The following INSL6 variants were observed in gnomAD, a reference collection of about 807,000 sequenced individuals.
INSL6 encodes the protein insulin like 6.
Under a neutral mutation model 9.4 loss-of-function variants are expected in INSL6, and 16 were observed. The observed-to-expected ratio is 1.70, with a 90% CI of 1.15 to 2.59. The LOEUF (loss-of-function observed/expected upper bound fraction) is 2.59. Among genes scored for constraint, INSL6 ranks in the 30% most tolerant of loss-of-function variants. The pLI is 0.00. For synonymous variants in INSL6, 154 were observed against 96.9 expected (o/e 1.59, Z -3.46); for missense variants, 391 against 257.3 (o/e 1.52, Z -3.56).
the INSL6 span, among the ~76,000 whole-genome samples, chr9:5,039,782 A>G: frequency 6.6e-6 from 1 of 152,172 alleles, no homozygotes; most frequent in East Asian, 1.9e-4. Flanking sequence ...TGTAAAATGT[A>G]TACACTGAGA....
At chr9:5,105,465 A>G in the INSL6 span, among the ~76,000 whole-genome samples, 738 of 152,340 alleles carry the variant, frequency 4.8e-3, 4 homozygotes, top group African/African-American at 0.016. Flanking sequence ...GGAAGAATCA[A>G]TATCGTGAAA....
the INSL6 span, chr9:5,054,559 C>A: frequency 6.5e-7 from 1 of 1,548,518 alleles, no homozygotes; most frequent in South Asian, 1.2e-5. The surrounding 1 kb of genome is among the most constrained non-coding windows in gnomAD (Gnocchi z 4.9). Context: ...TTTTTTATCC[C>A]TAGCTACAAG....
chr9:5,050,160 A>G, the INSL6 span, among the ~76,000 whole-genome samples: 1 of 152,228 alleles, frequency 6.6e-6, no homozygotes, highest in African/African-American at 2.4e-5. Flanking sequence ...AGATATATTT[A>G]ATGAAATAGG....
the INSL6 span, among the ~76,000 whole-genome samples, chr9:5,073,220 G>C: frequency 1.3e-5 from 2 of 152,196 alleles, no homozygotes; most frequent in African/African-American, 4.8e-5. Flanking sequence ...TCATACCCAG[G>C]GGTTCTAGTC....
the INSL6 span, among the ~76,000 whole-genome samples, chr9:5,063,993 T>TA: frequency 3.2e-4 from 48 of 151,990 alleles, no homozygotes; most frequent in Non-Finnish European, 5.3e-4. Flanking sequence ...CTGTCTCTAC[T>TA]AAAAATACAA....
At chr9:5,072,598 TGGA>T in the INSL6 span, 1 of 1,609,140 alleles carries the variant, frequency 6.2e-7, no homozygotes, top group East Asian at 2.2e-5. Context: ...TTAAAAGTTC[TGGA>T]TAAAGCACAC....
chr9:5,087,931 A>G, the INSL6 span, among the ~76,000 whole-genome samples: 1 of 152,250 alleles, frequency 6.6e-6, no homozygotes, highest in Non-Finnish European at 1.5e-5. Context: ...TCGTGTGACA[A>G]TATACAATAA....
chr9:5,089,860 G>C, the INSL6 span: 1 of 1,480,304 alleles, frequency 6.8e-7, no homozygotes, highest in Non-Finnish European at 8.9e-7. Flanking sequence ...GTGCTACAGT[G>C]CTGGTAAGCT....
chr9:5,183,339 G>A (rs1227193634), intron 1 of INSL6, among the ~76,000 whole-genome samples: 1 of 152,024 alleles, frequency 6.6e-6, no homozygotes, highest in Non-Finnish European at 1.5e-5. Context: ...TCAGCAAACT[G>A]TCTTTTACAT....
At chr9:5,032,560 C>T in the INSL6 span, among the ~76,000 whole-genome samples, 1 of 152,350 alleles carries the variant, frequency 6.6e-6, no homozygotes, top group African/African-American at 2.4e-5. Context: ...TCCAGAGGAA[C>T]AGTCAGGCAG....
At chr9:5,131,021 G>T (rs947008555) in intron 3 of INSL6, among the ~76,000 whole-genome samples, 1 of 152,240 alleles carries the variant, frequency 6.6e-6, no homozygotes, top group East Asian at 1.9e-4. Context: ...GAGCCACCGC[G>T]CCCAGCCCGA....
chr9:5,071,196 CTT>C, the INSL6 span, among the ~76,000 whole-genome samples: 3 of 152,106 alleles, frequency 2.0e-5, no homozygotes, highest in Non-Finnish European at 2.9e-5. Flanking sequence ...ACAAAAAAAT[CTT>C]TTCGGAACCA....
the INSL6 span, among the ~76,000 whole-genome samples, chr9:5,084,326 G>C: frequency 2.6e-5 from 4 of 151,980 alleles, no homozygotes; most frequent in African/African-American, 9.7e-5. Context: ...TGTGTTCAGT[G>C]GTTTGTCTAG....
chr9:5,105,750 A>G, the INSL6 span, among the ~76,000 whole-genome samples: 3 of 152,256 alleles, frequency 2.0e-5, no homozygotes, highest in South Asian at 4.1e-4. Flanking sequence ...GGCCTCAGAA[A>G]TAACACCACA....
At chr9:5,170,235 C>T (rs1250537470) in intron 1 of INSL6, among the ~76,000 whole-genome samples, 1 of 152,172 alleles carries the variant, frequency 6.6e-6, no homozygotes, top group Non-Finnish European at 1.5e-5. Context: ...AATTCAACAA[C>T]CTGTTCCTGA....
chr9:5,009,793 C>T, the INSL6 span, among the ~76,000 whole-genome samples: 14 of 150,454 alleles, frequency 9.3e-5, no homozygotes, highest in African/African-American at 3.4e-4. Context: ...TTTTTGCAGT[C>T]ACAGTCTTGC....
At chr9:5,080,956 C>G in the INSL6 span, among the ~76,000 whole-genome samples, 1 of 134,046 alleles carries the variant, frequency 7.5e-6, no homozygotes, top group African/African-American at 2.8e-5. Flanking sequence ...AGTGCAGTGG[C>G]GCGATCTCGG....
the INSL6 span, chr9:5,041,085 C>A: frequency 1.4e-6 from 1 of 706,358 alleles, no homozygotes. Flanking sequence ...CTACCTACTA[C>A]AGCCTGGAGG....
chr9:5,070,689 G>A, the INSL6 span, among the ~76,000 whole-genome samples: 1 of 152,000 alleles, frequency 6.6e-6, no homozygotes, highest in African/African-American at 2.4e-5. Context: ...AACCCGCCCT[G>A]CCAGTACAGA....
Sources: allele counts gnomAD v4.1 joint callset (sites outside exome capture counted in the v4.1 genomes callset), GRCh38; gene constraint gnomAD v4.1.1; non-coding constraint Gnocchi (gnomAD v3.1); transcripts MANE v1.5; gene names NCBI Gene and HGNC (gene_info 2026-07-23, HGNC 2026-07-21).